The following ZUP1 variants were observed in gnomAD, a reference collection of about 807,000 sequenced individuals.
ZUP1 encodes zinc finger containing ubiquitin peptidase 1.
Under a neutral mutation model 68.1 loss-of-function variants are expected in ZUP1, and 55 were observed. The observed-to-expected ratio is 0.81, with a 90% confidence interval of 0.65 to 1.01. The LOEUF is 1.01. Among genes scored for constraint, ZUP1 ranks in the 50% least tolerant of loss-of-function variants. The pLI, the probability that ZUP1 is intolerant of heterozygous loss-of-function variation, is 0.00. For synonymous variants in ZUP1, 223 were observed against 221.5 expected, an observed-to-expected ratio of 1.01 and a Z score of -0.06; for missense variants, 684 against 674.9, an observed-to-expected ratio of 1.01 and a Z score of -0.15.
intron 2 of ZUP1, among the ~76,000 whole-genome samples, chr6:116,664,905 CAA>C (rs1491135335): frequency 1.5e-4 from 22 of 148,120 alleles, no homozygotes; most frequent in Admixed American, 1.3e-3. Flanking sequence ...CACACACACA[CAA>C]TCCAGAAAAA....
At chr6:116,651,043 G>A (rs1263770873) in intron 7 of ZUP1, among the ~76,000 whole-genome samples, 1 of 152,100 alleles carries the variant, frequency 6.6e-6, no homozygotes, top group South Asian at 2.1e-4. Context: ...CGAGAATAAG[G>A]AGAGCCTCAG....
intron 5 of ZUP1, among the ~76,000 whole-genome samples, chr6:116,654,013 A>T (rs6923615): frequency 0.36 from 55,307 of 151,788 alleles, 10,723 homozygotes; most frequent in African/African-American, 0.5. Flanking sequence ...ATAAGTGAAG[A>T]CTCTTTAAAT....
intron 4 of ZUP1, 150 bp from the exon 5 acceptor site, chr6:116,657,002 A>G: frequency 2.1e-6 from 1 of 465,260 alleles, no homozygotes; most frequent in Non-Finnish European, 3.5e-6. Context: ...ACAAAAACTA[A>G]TAACACACAC....
intron 4 of ZUP1, among the ~76,000 whole-genome samples, chr6:116,658,459 C>T (rs575542617): frequency 6.6e-6 from 1 of 152,244 alleles, no homozygotes; most frequent in East Asian, 1.9e-4. Context: ...TTTGTCCCAT[C>T]AACTTACACA....
intron 2 of ZUP1, among the ~76,000 whole-genome samples, 168 bp from the exon 3 acceptor site, chr6:116,661,014 G>A (rs1340255729): frequency 6.6e-6 from 1 of 151,604 alleles, no homozygotes; most frequent in Admixed American, 6.6e-5. Flanking sequence ...AAGTAGATGG[G>A]GCTAAAGGCA....
intron 2 of ZUP1, 53 bp from the exon 3 acceptor site, chr6:116,660,899 CTTTGCTTTTTTTTT>C: frequency 9.4e-7 from 1 of 1,058,202 alleles, no homozygotes; most frequent in African/African-American, 1.7e-5. Context: ...TAATTTTTTT[CTTTGCTTTTTTTTT>C]TTTTGAGACA....
Position 116,658,662 on chromosome 6 carries a change from A to T in ZUP1, c.792+141T>A, listed in dbSNP as rs904727117. ...ATTACCCCTGTGCCTCACTAGAATG[A>T]ATATTTATAAATGGTGTCTGTTACA... On this transcript the variant is annotated intron_variant, in intron 4 of 9. Coordinates refer to ENST00000368576, the MANE Select transcript of ZUP1 (RefSeq NM_145062.3). 4.9e-5 allele frequency: 35 copies of T among 719,168 alleles called. No homozygotes were observed. The African/African-American group carries it at 5.3e-4, about 11-fold the overall frequency. 44.5% of individuals were successfully genotyped at this position (719,168 alleles called of 1,614,324 possible).
Position 116,653,852 on chromosome 6 carries a change from T to G in ZUP1, c.962-1660A>C, listed in dbSNP as rs73765827. ...TTACATATCAGATGGAGAGCAACACTGTCTTAGCAACATCATGCAACTGCT... is the reference window on the plus strand; with the variant it reads ...TTACATATCAGATGGAGAGCAACACGGTCTTAGCAACATCATGCAACTGCT... On this transcript the variant is annotated intron_variant, in intron 5 of 9. Transcript: ENST00000368576. Among the ~76,000 whole-genome samples, 302 of 152,118 alleles carry G rather than the reference T, an allele frequency of 2.0e-3. 1 individual carries two copies. Among genetic ancestry groups the G allele is most frequent in the African/African-American group, 7.1e-3 (295 of 41,576 alleles).
chr6:116,652,947 C>T (rs1276699976), intron 5 of ZUP1, among the ~76,000 whole-genome samples: 1 of 152,074 alleles, frequency 6.6e-6, no homozygotes, highest in Non-Finnish European at 1.5e-5. Context: ...TAACTGAACA[C>T]ATTAAACATA....
chr6:116,636,932 G>A (rs898331435), intron 9 of ZUP1, among the ~76,000 whole-genome samples: 6 of 152,056 alleles, frequency 3.9e-5, no homozygotes, highest in African/African-American at 1.4e-4. Context: ...ACTTTTACCT[G>A]ATGATCTGCA....
In ZUP1 at chr6:116,647,476, A is replaced by G. The variant is rs201847265; in HGVS notation, c.1451T>C (p.Ile484Thr). The change falls in exon 8 of 10, where the codon ATC (isoleucine) becomes ACC (threonine). Residue 484 changes from isoleucine (I) to threonine (T), a missense_variant. By Grantham distance (89) the Ile-to-Thr change is moderately conservative. Transcript: ENST00000368576. Reference protein sequence around the residue: ...PKVVCTSKPPIYLQHQGHSRT... With the variant: ...PKVVCTSKPPTYLQHQGHSRT... ...ATACTAACCTTGATGCTGAAGATAGATAGGAGGTTTAGATGTACACACTAC... is the reference window on the plus strand; with the variant it reads ...ATACTAACCTTGATGCTGAAGATAGGTAGGAGGTTTAGATGTACACACTAC... 367 of 1,572,386 alleles carry G rather than the reference A, an allele frequency of 2.3e-4. 1 individual carries two copies. Among genetic ancestry groups the G allele is most frequent in the Non-Finnish European group, 3.0e-4 (352 of 1,154,254 alleles).
chr6:116,649,172 A>G (rs1776403983), intron 7 of ZUP1, among the ~76,000 whole-genome samples: 1 of 152,130 alleles, frequency 6.6e-6, no homozygotes, highest in African/African-American at 2.4e-5. Context: ...TAGTTTTTCT[A>G]TGTTAATGAA....
intron 5 of ZUP1, among the ~76,000 whole-genome samples, chr6:116,655,519 G>T (rs1197030207): frequency 6.6e-6 from 1 of 152,122 alleles, no homozygotes; most frequent in African/African-American, 2.4e-5. Context: ...AGGTGTTGAA[G>T]CTTTAAAAAC....
chr6:116,654,800 T>C (rs1776616513), intron 5 of ZUP1, among the ~76,000 whole-genome samples: 1 of 151,844 alleles, frequency 6.6e-6, no homozygotes, highest in Admixed American at 6.6e-5. Flanking sequence ...AACTCAGGAG[T>C]AATCCAGAAA....
At position 116,638,326 on chromosome 6, in the gene ZUP1, C is replaced by A. The variant is rs1044535910; in HGVS notation, c.1690-2447G>T. ...TGTGCTATCATATAGCTTCAGTTCACACCAAGTGGAAATTTTTCAATTCCT... is the reference window on the plus strand; with the variant it reads ...TGTGCTATCATATAGCTTCAGTTCAAACCAAGTGGAAATTTTTCAATTCCT... On this transcript the variant is annotated intron_variant, in intron 9 of 9. Transcript: ENST00000368576. 3.3e-5 allele frequency among the ~76,000 whole-genome samples: 5 copies of A among 152,230 alleles called. No individual in the cohort carries two copies. The South Asian group carries it at 8.3e-4, about 25-fold the overall frequency.
At chr6:116,654,001 A>G (rs1162159843) in intron 5 of ZUP1, among the ~76,000 whole-genome samples, 1 of 152,040 alleles carries the variant, frequency 6.6e-6, no homozygotes, top group Admixed American at 6.5e-5. Flanking sequence ...AGATTGCAGT[A>G]TATAAGTGAA....
rs768533029 is a variant in ZUP1 at position 116,651,574 on chromosome 6, T to C, written c.1314A>G (p.Val438=). Residue 438 remains valine (V), a splice_region_variant and synonymous_variant, in exon 7 of 10, where the codon GTA becomes GTG. Coordinates refer to ENST00000368576, the MANE Select transcript of ZUP1 (RefSeq NM_145062.3). The stretch of plus-strand genomic sequence containing the variant: ...TATTTAGGTTTTAAGGTACATACTT[T>C]ACCCTTAGGGAGGTCAGGAGTATAT... ...EVYILLTSLR[V]KCHIVDFHKS... 2 of 1,602,252 alleles carry C rather than the reference T, an allele frequency of 1.2e-6. No individual in the cohort carries two copies. Among genetic ancestry groups the C allele is most frequent in the Admixed American group, 3.5e-5 (2 of 57,568 alleles).
intron 9 of ZUP1, among the ~76,000 whole-genome samples, chr6:116,643,596 C>G (rs1776191834): frequency 6.6e-6 from 1 of 152,168 alleles, no homozygotes; most frequent in Non-Finnish European, 1.5e-5. Context: ...GAAAGGATTT[C>G]CTATTTAATA....
At chr6:116,663,164 CTTTT>C (rs1348966766) in intron 2 of ZUP1, among the ~76,000 whole-genome samples, 3 of 152,298 alleles carry the variant, frequency 2.0e-5, no homozygotes, top group Non-Finnish European at 4.4e-5. Context: ...TACCTCACTT[CTTTT>C]AATTCTACCA....
Sources: gnomAD v4.1 joint callset for allele counts (sites outside exome capture counted in the v4.1 genomes callset) on GRCh38, gnomAD v4.1.1 for gene constraint, MANE v1.5 for transcripts, NCBI Gene and HGNC (gene_info 2026-07-23, HGNC 2026-07-21) for gene names.